Variants in ECH1 observed in about 807,000 individuals in gnomAD.
The protein encoded by ECH1 is enoyl-CoA hydratase 1, also known as delta(3,5)-Delta(2,4)-dienoyl-CoA isomerase, mitochondrial.
A neutral mutation model predicts 37.0 loss-of-function variants in ECH1; 30 were observed. The ratio of observed to expected loss-of-function variants is 0.81; its 90% CI spans 0.61 to 1.10. The LOEUF (loss-of-function observed/expected upper bound fraction) is 1.10, where lower values mean the gene tolerates loss of function less well. ECH1 is among the 50% of genes least tolerant of loss of function. The probability of loss-of-function intolerance (pLI) is 0.00; values close to 1 mark genes in which losing one functional copy is unlikely to be tolerated. For missense variants in ECH1, 456 were observed against 441.6 expected (o/e 1.03, Z -0.29); for synonymous variants, 178 against 176.0 (o/e 1.01, Z -0.09).
At chr19:38,817,218 G>C (rs1971590302) in intron 5 of ECH1, 89 bp from the exon 6 acceptor site, 3 of 1,546,432 alleles carry the variant, frequency 1.9e-6, no homozygotes, top group Non-Finnish European at 2.6e-6. Context: ...ACACAGTCTG[G>C]CCCATGACAG....
intron 1 of ECH1, 27 bp from the exon 2 acceptor site, chr19:38,831,543 G>A (rs368401725): frequency 5.4e-5 from 86 of 1,598,786 alleles, no homozygotes; most frequent in Non-Finnish European, 7.3e-5. Flanking sequence ...AGCCTTTGAT[G>A]ACCCCAGACT....
intron 3 of ECH1, among the ~76,000 whole-genome samples, chr19:38,827,326 T>C (rs1169468229): frequency 6.6e-6 from 1 of 152,176 alleles, no homozygotes; most frequent in East Asian, 1.9e-4. Flanking sequence ...AATATTTTGC[T>C]TCTGGTTCAG....
chr19:38,823,894 G>A (rs945931110), intron 3 of ECH1, among the ~76,000 whole-genome samples: 4 of 152,058 alleles, frequency 2.6e-5, no homozygotes, highest in Non-Finnish European at 4.4e-5. Context: ...CTATAAGAAC[G>A]ACTTCTAGAA....
Position 38,831,330 on chromosome 19 carries a change from G to A in ECH1, c.239C>T (p.Ala80Val), listed in dbSNP as rs771615274. The change falls in exon 2 of 10, where the codon GCC (alanine) becomes GTC (valine). Residue 80 changes from alanine (A) to valine (V), a missense_variant. Coordinates refer to ENST00000221418, the MANE Select transcript of ECH1 (RefSeq NM_001398.3). ...VQLNRPNKRNAMNKVFWREMV... is the reference protein window; with the variant it reads ...VQLNRPNKRNVMNKVFWREMV... ...AGACCTCCAGAAGACCTTGTTCATG[G>A]CATTCCTCTTGTTGGGCCGGTTGAG... is the stretch of plus-strand genomic sequence containing the variant. 2 of 1,612,424 alleles carry A rather than the reference G, an allele frequency of 1.2e-6. No individual in the cohort carries two copies. Among genetic ancestry groups the A allele is most frequent in the African/African-American group, 1.3e-5 (1 of 75,010 alleles).
intron 3 of ECH1, among the ~76,000 whole-genome samples, chr19:38,821,189 G>T (rs1429730578): frequency 3.3e-5 from 5 of 151,890 alleles, no homozygotes; most frequent in Admixed American, 2.6e-4. Context: ...GAAGTGGGAG[G>T]ATGAGGGGAG....
chr19:38,821,052 G>C (rs1335212166), intron 3 of ECH1, among the ~76,000 whole-genome samples: 1 of 152,362 alleles, frequency 6.6e-6, no homozygotes, highest in East Asian at 1.9e-4. Context: ...GCTGAGGCAG[G>C]AGGATCGCTT....
At chr19:38,828,667 G>T (rs1002560226) in intron 3 of ECH1, among the ~76,000 whole-genome samples, 2 of 152,004 alleles carry the variant, frequency 1.3e-5, no homozygotes, top group African/African-American at 4.8e-5. Context: ...CCAGGCTGGA[G>T]TGCAGTGGCG....
chr19:38,828,423 G>T (rs1172748741), intron 3 of ECH1, among the ~76,000 whole-genome samples: 3 of 150,936 alleles, frequency 2.0e-5, no homozygotes, highest in Admixed American at 2.0e-4. Flanking sequence ...GTACAGACGG[G>T]GTTTCACCAT....
chr19:38,818,224 C>G lies in ECH1; in HGVS notation c.350-649G>C, dbSNP rs1202842655. On this transcript the variant is annotated intron_variant, in intron 3 of 9. Transcript: ENST00000221418. ...AGAGGCCATGCTTTTCCCCAAGATG[C>G]CAGACAGCCTGGGACTCAAGGTCTG... 5.1e-6 allele frequency: 5 copies of G among 985,234 alleles called. No individual in the cohort carries two copies. In the African/African-American group the frequency reaches 8.7e-5, roughly 17 times the overall value. The allele number at this position is 985,234 out of a possible 1,614,324, so 61.0% of individuals were successfully genotyped here.
chr19:38,824,379 A>G (rs8104420), intron 3 of ECH1, among the ~76,000 whole-genome samples: 104,729 of 152,098 alleles, frequency 0.69, 36,478 homozygotes, highest in South Asian at 0.75. Context: ...GGACTGTTGC[A>G]GTTTCTTGGG....
chr19:38,821,855 C>T (rs923821704), intron 3 of ECH1, among the ~76,000 whole-genome samples: 3 of 152,238 alleles, frequency 2.0e-5, no homozygotes, highest in African/African-American at 7.2e-5. Flanking sequence ...CTGGTCCCAT[C>T]AACTGCCCAA....
At chr19:38,830,969 A>T in intron 3 of ECH1, 109 bp downstream of exon 3, 2 of 1,035,168 alleles carry the variant, frequency 1.9e-6, no homozygotes, top group South Asian at 3.1e-5. Flanking sequence ...AAAAAAAAAA[A>T]AAGTGTGTAA....
chr19:38,830,935 A>T, intron 3 of ECH1, 143 bp downstream of exon 3: 1 of 707,452 alleles, frequency 1.4e-6, no homozygotes, highest in Non-Finnish European at 2.3e-6. Flanking sequence ...CAGCGTGGCA[A>T]CAGAGCAAGA....
intron 3 of ECH1, among the ~76,000 whole-genome samples, chr19:38,829,263 C>CAACAGAGT (rs1279309542): frequency 1.8e-5 from 2 of 111,214 alleles, no homozygotes; most frequent in African/African-American, 7.2e-5. Context: ...CCAGCCTGGT[C>CAACAGAGT]AACAGAGTGA....
At position 38,831,671 on chromosome 19, in the gene ECH1, A is replaced by G. The variant is rs763999495; in HGVS notation, c.52+50T>C. 19 of 1,610,262 alleles carry G rather than the reference A, an allele frequency of 1.2e-5. No individual in the cohort carries two copies. In the African/African-American group the frequency reaches 2.1e-4, roughly 18 times the overall value. On this transcript the variant is annotated intron_variant, in intron 1 of 9. Transcript: ENST00000221418. ...TAGCCCTCCCCGTCCTACATCTGCT[A>G]TAACAGCACGACAGCGCGACGCACC...
chr19:38,819,257 G>A (rs1404106019), intron 3 of ECH1: 2 of 983,716 alleles, frequency 2.0e-6, no homozygotes, highest in African/African-American at 3.5e-5. Context: ...AGAGGAGAGG[G>A]AGGGAGCCAA....
chr19:38,831,696 C>T (rs1471347487), intron 1 of ECH1, 25 bp downstream of exon 1: 3 of 1,613,474 alleles, frequency 1.9e-6, no homozygotes, highest in Middle Eastern at 1.6e-4. Flanking sequence ...CGCGACGCAC[C>T]CCCATAAGGC....
chr19:38,829,614 G>A (rs933850800), intron 3 of ECH1, among the ~76,000 whole-genome samples: 3 of 152,166 alleles, frequency 2.0e-5, no homozygotes, highest in South Asian at 2.1e-4. Context: ...TCAGGAGATC[G>A]AGACCATCCT....
At chr19:38,826,006 T>C (rs940242631) in intron 3 of ECH1, among the ~76,000 whole-genome samples, 1 of 152,188 alleles carries the variant, frequency 6.6e-6, no homozygotes, top group Non-Finnish European at 1.5e-5. Context: ...TGGCGCGGCC[T>C]TCTCAGTGTT....
Sources: gnomAD v4.1 joint callset for allele counts (sites outside exome capture counted in the v4.1 genomes callset) on GRCh38, gnomAD v4.1.1 for gene constraint, MANE v1.5 for transcripts, NCBI Gene and HGNC (gene_info 2026-07-23, HGNC 2026-07-21) for gene names.